Variants in PPARGC1A observed in about 807,000 individuals in gnomAD.
The protein encoded by PPARGC1A is PPARG coactivator 1 alpha.
A neutral mutation model predicts 88.7 loss-of-function variants in PPARGC1A; 25 were observed. That is an observed-to-expected ratio of 0.28 (90% CI 0.21 to 0.39). The LOEUF is 0.39. Ranked by LOEUF, PPARGC1A falls within the 10% of genes least tolerant of loss-of-function variation. The pLI, the probability that PPARGC1A is intolerant of heterozygous loss-of-function variation, is 1.00. For missense variants in PPARGC1A, 880 were observed against 968.7 expected, an observed-to-expected ratio of 0.91 and a Z score of 1.22; for synonymous variants, 363 against 355.6, an observed-to-expected ratio of 1.02 and a Z score of -0.24.
the PPARGC1A span, among the ~76,000 whole-genome samples, chr4:24,332,120 GT>G: frequency 6.9e-6 from 1 of 145,098 alleles, no homozygotes; most frequent in Non-Finnish European, 1.5e-5. Flanking sequence ...GTTTTTTTTT[GT>G]TTTTGTTATT....
the PPARGC1A span, among the ~76,000 whole-genome samples, chr4:24,075,925 TTGGA>T: frequency 4.6e-5 from 7 of 152,150 alleles, no homozygotes; most frequent in East Asian, 1.3e-3. Flanking sequence ...ATGCCAGAGC[TTGGA>T]GACACCATAA....
chr4:24,267,346 C>G, the PPARGC1A span, among the ~76,000 whole-genome samples: 1 of 152,222 alleles, frequency 6.6e-6, no homozygotes, highest in Admixed American at 6.5e-5. Flanking sequence ...TAAGCCCCAG[C>G]AGGGAACCAA....
the PPARGC1A span, among the ~76,000 whole-genome samples, chr4:24,127,731 G>A: frequency 3.3e-5 from 5 of 151,784 alleles, no homozygotes; most frequent in Non-Finnish European, 4.4e-5. Context: ...TCATCATATC[G>A]TGTTTCATAA....
chr4:24,219,426 C>T, the PPARGC1A span, among the ~76,000 whole-genome samples: 1 of 152,220 alleles, frequency 6.6e-6, no homozygotes, highest in Non-Finnish European at 1.5e-5. Context: ...CTCCGTCATA[C>T]TGGGCTCTAG....
chr4:23,854,619 G>T (rs1278928653), intron 2 of PPARGC1A, among the ~76,000 whole-genome samples: 2 of 152,122 alleles, frequency 1.3e-5, no homozygotes, highest in Non-Finnish European at 2.9e-5. Context: ...AGATGGCCTT[G>T]TCCCACAAAT....
the PPARGC1A span, among the ~76,000 whole-genome samples, chr4:24,136,342 G>T: frequency 6.6e-6 from 1 of 152,136 alleles, no homozygotes; most frequent in African/African-American, 2.4e-5. Flanking sequence ...TCCCACAGTT[G>T]GATTTCTGAG....
the PPARGC1A span, among the ~76,000 whole-genome samples, chr4:24,363,651 A>G: frequency 6.6e-6 from 1 of 152,222 alleles, no homozygotes; most frequent in African/African-American, 2.4e-5. Context: ...ACAAAGGCAC[A>G]GAAAATGCCC....
At chr4:24,407,110 G>A in the PPARGC1A span, among the ~76,000 whole-genome samples, 6 of 152,140 alleles carry the variant, frequency 3.9e-5, no homozygotes, top group South Asian at 4.2e-4. Context: ...CTGAAGCTCC[G>A]GAGGCCTCCA....
chr4:23,867,988 G>A (rs1383343716), intron 2 of PPARGC1A, among the ~76,000 whole-genome samples: 1 of 152,244 alleles, frequency 6.6e-6, no homozygotes, highest in Non-Finnish European at 1.5e-5. Context: ...GGAACAGCGT[G>A]TTGGGAAGCT....
chr4:23,862,638 T>A (rs1731418173), intron 2 of PPARGC1A, among the ~76,000 whole-genome samples: 1 of 152,194 alleles, frequency 6.6e-6, no homozygotes, highest in African/African-American at 2.4e-5. Context: ...TTTATTTTTT[T>A]AATTAAACTC....
chr4:24,242,130 C>A, the PPARGC1A span, among the ~76,000 whole-genome samples: 1 of 152,196 alleles, frequency 6.6e-6, no homozygotes, highest in Non-Finnish European at 1.5e-5. Context: ...TGCAACATGA[C>A]CTTACACTGG....
the PPARGC1A span, among the ~76,000 whole-genome samples, chr4:24,004,847 G>A: frequency 6.6e-6 from 1 of 152,124 alleles, no homozygotes; most frequent in South Asian, 2.1e-4. Flanking sequence ...AGTGACTTGT[G>A]GATCTTTATA....
the PPARGC1A span, among the ~76,000 whole-genome samples, chr4:24,284,180 C>A: frequency 6.6e-6 from 1 of 151,456 alleles, no homozygotes; most frequent in African/African-American, 2.4e-5. Flanking sequence ...AGGGGGGCAC[C>A]TGTAATCCCA....
chr4:23,943,506 G>T, the PPARGC1A span, among the ~76,000 whole-genome samples: 1 of 151,518 alleles, frequency 6.6e-6, no homozygotes, highest in Admixed American at 6.6e-5. Flanking sequence ...GACATTGCCT[G>T]TAATAGTTAA....
the PPARGC1A span, chr4:24,091,671 G>GA: frequency 3.5e-5 from 34 of 981,744 alleles, no homozygotes; most frequent in Non-Finnish European, 4.1e-5. Context: ...GAGGATGAGG[G>GA]ATCGGGCAGG....
chr4:24,143,695 A>G, the PPARGC1A span, among the ~76,000 whole-genome samples: 2 of 152,346 alleles, frequency 1.3e-5, no homozygotes, highest in South Asian at 2.1e-4. Context: ...AACTATTTTG[A>G]TCACTTTTTT....
chr4:23,896,831 G>A (rs1218385067), intron 1 of PPARGC1A, among the ~76,000 whole-genome samples: 1 of 152,114 alleles, frequency 6.6e-6, no homozygotes, highest in Non-Finnish European at 1.5e-5. Context: ...AAAAAAGGAG[G>A]GGCCACCAGC....
At chr4:23,807,291 C>G (rs1449802255) in intron 10 of PPARGC1A, among the ~76,000 whole-genome samples, 1 of 152,096 alleles carries the variant, frequency 6.6e-6, no homozygotes, top group Non-Finnish European at 1.5e-5. Context: ...TATTGATTAT[C>G]TAACCTAATT....
chr4:24,182,093 T>C, the PPARGC1A span, among the ~76,000 whole-genome samples: 1 of 152,090 alleles, frequency 6.6e-6, no homozygotes, highest in African/African-American at 2.4e-5. Flanking sequence ...CATCCCGTCA[T>C]ATAGGTTTTA....
Sources: gnomAD v4.1 joint callset for allele counts (sites outside exome capture counted in the v4.1 genomes callset) on GRCh38, gnomAD v4.1.1 for gene constraint, MANE v1.5 for transcripts, NCBI Gene and HGNC (gene_info 2026-07-23, HGNC 2026-07-21) for gene names.